Variants in PHC2 observed in about 807,000 individuals in gnomAD.
PHC2 encodes the protein polyhomeotic-like protein 2.
PHC2 carries 29 observed loss-of-function variants against 87.4 expected under a neutral mutation model. That is an observed-to-expected ratio of 0.33 (90% CI 0.25 to 0.45). The LOEUF (loss-of-function observed/expected upper bound fraction) is 0.45. Ranked by LOEUF, PHC2 falls within the 20% of genes least tolerant of loss-of-function variation. The probability of loss-of-function intolerance (pLI) is 1.00; values close to 1 mark genes in which losing one functional copy is unlikely to be tolerated. For missense variants in PHC2, 857 were observed against 1,136.7 expected, an observed-to-expected ratio of 0.75 and a Z score of 3.54; for synonymous variants, 438 against 461.7, an observed-to-expected ratio of 0.95 and a Z score of 0.66.
chr1:33,389,497 C>T (rs1324605178), intron 1 of PHC2, among the ~76,000 whole-genome samples: 2 of 152,176 alleles, frequency 1.3e-5, no homozygotes, highest in Non-Finnish European at 2.9e-5. Context: ...CCAGCCACCA[C>T]TTAAAGGGCC....
intron 1 of PHC2, among the ~76,000 whole-genome samples, chr1:33,406,962 A>G (rs1056400363): frequency 1.3e-5 from 2 of 152,060 alleles, no homozygotes; most frequent in Admixed American, 1.3e-4. Flanking sequence ...CTTGCATATG[A>G]TCTATCATTT....
chr1:33,411,594 C>T (rs1447307042), intron 1 of PHC2, among the ~76,000 whole-genome samples: 1 of 152,068 alleles, frequency 6.6e-6, no homozygotes, highest in Admixed American at 6.6e-5. Context: ...CGGAGTCTTG[C>T]TCTGTCACCA....
chr1:33,416,073 G>A (rs1458643057), intron 1 of PHC2, among the ~76,000 whole-genome samples: 1 of 152,162 alleles, frequency 6.6e-6, no homozygotes, highest in Non-Finnish European at 1.5e-5. Context: ...GAAAAGAGAT[G>A]TGGGGAGGAA....
At position 33,349,832 on chromosome 1, in the gene PHC2, C is replaced by T. The variant is rs1646928699; in HGVS notation, c.1558+4569G>A. The stretch of plus-strand genomic sequence containing the variant: ...CGCGAGGCCGGGGCGGGAGCGCGGG[C>T]GGCGGCCGGGGTTGCGCGCGCGCGC... On this transcript the variant is annotated intron_variant, in intron 9 of 14. Transcript: ENST00000683057. This position sits in a 1 kb window ranked among gnomAD's most constrained non-coding sequence, Gnocchi z 4.2. 2 of 975,300 alleles carry T rather than the reference C, an allele frequency of 2.1e-6. No individual in the cohort carries two copies. The highest frequency in any genetic ancestry group is 4.6e-5 in the South Asian group (1 of 21,810). 60.4% of individuals were successfully genotyped at this position (975,300 alleles called of 1,614,324 possible). A position where few individuals can be genotyped will look rare whatever the true frequency, so the allele number is the denominator to read the frequency against.
At chr1:33,410,907 T>C (rs1376024814) in intron 1 of PHC2, among the ~76,000 whole-genome samples, 1 of 152,176 alleles carries the variant, frequency 6.6e-6, no homozygotes, top group Non-Finnish European at 1.5e-5. Context: ...CATATTATGG[T>C]CACAGTTAAA....
chr1:33,425,869 T>A (rs1393746410), intron 1 of PHC2, among the ~76,000 whole-genome samples: 2 of 152,220 alleles, frequency 1.3e-5, no homozygotes, highest in African/African-American at 4.8e-5. Flanking sequence ...GCTTACCTGG[T>A]CCATGTTGGG....
At chr1:33,419,146 CT>C in intron 1 of PHC2, among the ~76,000 whole-genome samples, 1 of 152,312 alleles carries the variant, frequency 6.6e-6, no homozygotes, top group East Asian at 1.9e-4. Context: ...ACACCAGTGC[CT>C]GGCACATAGT....
chr1:33,424,322 T>C (rs766633575), intron 1 of PHC2, among the ~76,000 whole-genome samples: 42 of 152,208 alleles, frequency 2.8e-4, no homozygotes, highest in Non-Finnish European at 1.0e-4. Flanking sequence ...CACCTTTATC[T>C]GTACCCATGG....
intron 1 of PHC2, among the ~76,000 whole-genome samples, chr1:33,392,059 G>C (rs1346770217): frequency 1.3e-5 from 2 of 152,210 alleles, no homozygotes; most frequent in Non-Finnish European, 2.9e-5. Context: ...TCATTACCCA[G>C]TGGAAGCGTC....
intron 1 of PHC2, among the ~76,000 whole-genome samples, chr1:33,386,318 C>A (rs1192791841): frequency 6.6e-6 from 1 of 151,502 alleles, no homozygotes; most frequent in African/African-American, 2.4e-5. Flanking sequence ...GAGTTCAAGA[C>A]CAGCCTGGCC....
intron 1 of PHC2, among the ~76,000 whole-genome samples, chr1:33,392,106 T>A (rs910205215): frequency 1.3e-5 from 2 of 152,172 alleles, no homozygotes; most frequent in Admixed American, 6.5e-5. Flanking sequence ...CTCTGCACAC[T>A]GTTATTCAGG....
intron 1 of PHC2, among the ~76,000 whole-genome samples, chr1:33,377,770 C>A (rs1367696351): frequency 6.6e-6 from 1 of 152,052 alleles, no homozygotes; most frequent in Non-Finnish European, 1.5e-5. Flanking sequence ...TACTATTCTG[C>A]TGCTATCTCC....
In PHC2 at chr1:33,413,235, G is replaced by A. The variant is rs148133035; in HGVS notation, c.-55+17741C>T. ...CCCCGCCTCGGCCTCCCAAAGTGCT[G>A]GGATTACAGGTGTGAGCCACTGTGC... On this transcript the variant is annotated intron_variant, in intron 1 of 14. Coordinates refer to ENST00000683057, the MANE Select transcript of PHC2 (RefSeq NM_001385109.1). Among the ~76,000 whole-genome samples the A allele has an allele frequency of 4.2e-3, 643 of 152,296 alleles. 9 individuals are homozygous for A. Among genetic ancestry groups the A allele is most frequent in the African/African-American group, 0.015 (615 of 41,556 alleles).
At chr1:33,326,391 A>G (rs981879621) in intron 14 of PHC2, 1 of 155,208 alleles carries the variant, frequency 6.4e-6, no homozygotes, top group African/African-American at 2.4e-5. Context: ...AGAAAGATCT[A>G]AAGTGATGCC....
At chr1:33,410,910 C>T (rs1294030523) in intron 1 of PHC2, among the ~76,000 whole-genome samples, 1 of 152,122 alleles carries the variant, frequency 6.6e-6, no homozygotes, top group Non-Finnish European at 1.5e-5. Flanking sequence ...ATTATGGTCA[C>T]AGTTAAATAG....
chr1:33,377,509 G>A (rs1386769116), intron 1 of PHC2, among the ~76,000 whole-genome samples: 1 of 152,142 alleles, frequency 6.6e-6, no homozygotes, highest in Non-Finnish European at 1.5e-5. Flanking sequence ...GGTGGTGGGA[G>A]AGGCACACCC....
rs540349997 is a variant in PHC2, at chr1:33,343,318, T to A, written c.1559-9026A>T. Among the ~76,000 whole-genome samples, 70 of 147,600 alleles carry A rather than the reference T, an allele frequency of 4.7e-4. 1 individual carries two copies. Among genetic ancestry groups the A allele is most frequent in the African/African-American group, 1.5e-3 (62 of 40,376 alleles). On this transcript the variant is annotated intron_variant, in intron 9 of 14. Transcript: ENST00000683057. ...TCTAGTAAAAATACAAAAAAAAAAA[T>A]AAATAACTGGGTGTGGTGGCGAGCG...
chr1:33,356,267 ATATATATATG>A (rs1485932401), intron 7 of PHC2, among the ~76,000 whole-genome samples: 2 of 92,794 alleles, frequency 2.2e-5, no homozygotes, highest in Admixed American at 9.7e-5. Flanking sequence ...ATATATATAT[ATATATATATG>A]TATATATATA....
chr1:33,355,021 G>T lies in PHC2; in HGVS notation c.1209C>A (p.Pro403=). 1 of 1,614,004 alleles carries T rather than the reference G, an allele frequency of 6.2e-7. No individual in the cohort carries two copies. Among genetic ancestry groups the T allele is most frequent in the East Asian group, 2.2e-5 (1 of 44,880 alleles). ...CAGTGGGACACTGGAGTGGCAGGGC[G>T]GGTGTAACCGGGCCTAGTGGCATGG... is the stretch of plus-strand genomic sequence containing the variant. ...AHAMPLGPVT[P]ALPLQCPTAN... is the part of the protein sequence containing the mutation. Residue 403 remains proline, a synonymous_variant, in exon 8 of 15, where the codon CCC becomes CCA. Transcript: ENST00000683057.
Sources: allele counts gnomAD v4.1 joint callset (sites outside exome capture counted in the v4.1 genomes callset), GRCh38; gene constraint gnomAD v4.1.1; non-coding constraint Gnocchi (gnomAD v3.1); transcripts MANE v1.5; gene names NCBI Gene and HGNC (gene_info 2026-07-23, HGNC 2026-07-21).